NBL1: variants seen among roughly 807,000 people sequenced by gnomAD.
NBL1 encodes the protein neuroblastoma suppressor of tumorigenicity 1.
Under a neutral mutation model 16.0 loss-of-function variants are expected in NBL1, and 9 were observed. The ratio of observed to expected loss-of-function variants is 0.56; its 90% CI spans 0.34 to 0.98. The LOEUF is 0.98. Among genes scored for constraint, NBL1 ranks in the 50% least tolerant of loss-of-function variants. NBL1 has a pLI of 0.02. For synonymous variants in NBL1, 86 were observed against 100.7 expected (o/e 0.85, Z 0.87); for missense variants, 196 against 243.1 (o/e 0.81, Z 1.29).
upstream of NBL1, chr1:19,643,304 C>G (rs372460291): frequency 1.1e-5 from 17 of 1,613,512 alleles, no homozygotes; most frequent in Non-Finnish European, 1.4e-5. The surrounding 1 kb of genome is among the most constrained non-coding windows in gnomAD (Gnocchi z 4.7). Context: ...CACTAGGAGC[C>G]ACCCAGGATG....
At chr1:19,655,655 G>A (rs950560826) in intron 3 of NBL1, among the ~76,000 whole-genome samples, 2 of 152,198 alleles carry the variant, frequency 1.3e-5, no homozygotes, top group Non-Finnish European at 2.9e-5. Context: ...GGATGTTCCC[G>A]AAGTTCCATT....
chr1:19,644,296 C>A, upstream of NBL1: 1 of 979,636 alleles, frequency 1.0e-6, no homozygotes, highest in Non-Finnish European at 1.2e-6. This position sits in a 1 kb window ranked among gnomAD's most constrained non-coding sequence, Gnocchi z 4.6. Context: ...CCGCGCCGCG[C>A]GCCCGCCCGG....
At chr1:19,651,466 C>A (rs2095025134) in intron 1 of NBL1, among the ~76,000 whole-genome samples, 1 of 152,214 alleles carries the variant, frequency 6.6e-6, no homozygotes, top group Non-Finnish European at 1.5e-5. Context: ...ACGCTGATAA[C>A]CAGTTCCTGA....
intron 1 of NBL1, among the ~76,000 whole-genome samples, chr1:19,649,009 C>T (rs1215100729): frequency 6.6e-6 from 1 of 152,142 alleles, no homozygotes; most frequent in Non-Finnish European, 1.5e-5. Context: ...AGGGTGTTAA[C>T]AGGAATGAGA....
At chr1:19,647,430 A>G (rs556218494) in intron 1 of NBL1, among the ~76,000 whole-genome samples, 8 of 152,302 alleles carry the variant, frequency 5.3e-5, no homozygotes, top group African/African-American at 1.9e-4. Flanking sequence ...TGTTACAAAT[A>G]AAAACATAAA....
rs1317717156 is a variant in NBL1, at chr1:19,651,290, G to A, written c.-19-3722G>A. 2.6e-5 allele frequency among the ~76,000 whole-genome samples: 4 copies of A among 152,272 alleles called. No individual in the cohort carries two copies. In the East Asian group the frequency reaches 7.7e-4, roughly 29 times the overall value. On this transcript the variant is annotated intron_variant, in intron 1 of 3. Transcript: ENST00000375136. ...GGCCCGGGGAGGCCGAGGCCCCAGC[G>A]CCCTGCGGAGAGCCTGCTAGGGCCT... is the stretch of plus-strand genomic sequence containing the variant.
intron 1 of NBL1, among the ~76,000 whole-genome samples, chr1:19,654,768 T>C (rs1327674937): frequency 1.3e-5 from 2 of 152,138 alleles, no homozygotes; most frequent in Non-Finnish European, 2.9e-5. Flanking sequence ...GAATGTGTAT[T>C]ATCTGCTAGG....
Position 19,655,024 on chromosome 1 carries a change from C to T in NBL1, c.-7C>T. ...TGCTCCGTTCTAGGGCTCTGGAGGC[C>T]ACGGGCATGATGCTTCGGGTCCTGG... On this transcript the variant is annotated 5_prime_UTR_variant, in exon 2 of 4. Coordinates refer to ENST00000375136, the MANE Select transcript of NBL1 (RefSeq NM_005380.8). The T allele has an allele frequency of 6.2e-7, 1 of 1,602,658 alleles. No individual in the cohort carries two copies. The highest frequency in any genetic ancestry group is 8.5e-7 in the Non-Finnish European group (1 of 1,175,686).
chr1:19,650,898 G>T (rs1293330887), intron 1 of NBL1, among the ~76,000 whole-genome samples: 3 of 152,208 alleles, frequency 2.0e-5, no homozygotes, highest in African/African-American at 7.2e-5. Flanking sequence ...GTGGGCGGAG[G>T]CAGGTGTGTC....
upstream of NBL1, chr1:19,643,567 C>A: frequency 7.1e-7 from 1 of 1,416,520 alleles, no homozygotes; most frequent in Non-Finnish European, 9.2e-7. This position sits in a 1 kb window ranked among gnomAD's most constrained non-coding sequence, Gnocchi z 4.7. Flanking sequence ...AGATAGGAAC[C>A]CCCGAGGTGA....
chr1:19,655,199 A>G lies in NBL1; in HGVS notation c.169A>G (p.Arg57Gly). 1 of 1,601,464 alleles carries G rather than the reference A, an allele frequency of 6.2e-7. No individual in the cohort carries two copies. Among genetic ancestry groups the G allele is most frequent in the Non-Finnish European group, 8.5e-7 (1 of 1,172,862 alleles). The stretch of plus-strand genomic sequence containing the variant: ...CTGTGAGGCCAAGTCCATCCAGAAC[A>G]GGTGGGACCCAAGGGGTGGGTGGGG... The part of the protein sequence containing the change: ...SGCEAKSIQN[R>G]ACLGQCFSYS... The change falls in exon 2 of 4, where the codon AGG becomes GGG. Residue 57 changes from arginine (R) to glycine (G), a missense_variant and splice_region_variant. Transcript: ENST00000375136.
intron 1 of NBL1, among the ~76,000 whole-genome samples, chr1:19,649,520 G>A (rs1262041310): frequency 4.0e-5 from 6 of 151,892 alleles, no homozygotes; most frequent in African/African-American, 4.8e-5. Flanking sequence ...CACCACACCC[G>A]GCTAGTTTTT....
chr1:19,644,815 G>GGCCTCGCCGCGCCGC lies in NBL1; in HGVS notation c.-20+375_-20+389dup, dbSNP rs1553312852. Among the ~76,000 whole-genome samples, 1 of 151,466 alleles carries GGCCTCGCCGCGCCGC rather than the reference G, an allele frequency of 6.6e-6. No individual in the cohort carries two copies. Among genetic ancestry groups the GGCCTCGCCGCGCCGC allele is most frequent in the African/African-American group, 2.4e-5 (1 of 41,284 alleles). ...CTCGCATGTCCCCCGGCCGTGCCCG[G>GGCCTCGCCGCGCCGC]GCCTCGCCGCGCCGCGCCTCTCGGC... On this transcript the variant is annotated intron_variant, in intron 1 of 3. Coordinates refer to ENST00000375136, the MANE Select transcript of NBL1 (RefSeq NM_005380.8). This position sits in a 1 kb window ranked among gnomAD's most constrained non-coding sequence, Gnocchi z 4.6.
chr1:19,656,246 G>A (rs1287692663), intron 3 of NBL1, among the ~76,000 whole-genome samples: 1 of 152,018 alleles, frequency 6.6e-6, no homozygotes, highest in Non-Finnish European at 1.5e-5. Context: ...AAGGTACTTA[G>A]ATGGGTGATG....
chr1:19,647,388 C>T lies in NBL1; in HGVS notation c.-20+2942C>T, dbSNP rs113639275. ...CTGATGTGAGCTATGATTGTGCCAC[C>T]GCGCTCCAGCCTGGGTAACAGAGTG... On this transcript the variant is annotated intron_variant, in intron 1 of 3. Transcript: ENST00000375136. Among the ~76,000 whole-genome samples, 64 of 152,194 alleles carry T rather than the reference C, an allele frequency of 4.2e-4. 1 individual carries two copies. Among genetic ancestry groups the T allele is most frequent in the African/African-American group, 1.3e-3 (52 of 41,522 alleles).
At chr1:19,655,289 C>A in intron 2 of NBL1, 35 bp from the exon 3 acceptor site, 3 of 1,613,218 alleles carry the variant, frequency 1.9e-6, no homozygotes, top group Non-Finnish European at 2.5e-6. Context: ...GCCTCCCCAA[C>A]AGTGACACAG....
chr1:19,645,632 C>G, intron 1 of NBL1: 1 of 1,134,784 alleles, frequency 8.8e-7, no homozygotes, highest in Non-Finnish European at 1.1e-6. Flanking sequence ...CCCTAGACTC[C>G]CCCAGATGCT....
chr1:19,650,426 G>A (rs981137369), intron 1 of NBL1, among the ~76,000 whole-genome samples: 1 of 152,162 alleles, frequency 6.6e-6, no homozygotes, highest in Non-Finnish European at 1.5e-5. Context: ...TGTCTGAGTG[G>A]GCATAGGGTC....
chr1:19,655,380 C>T lies in NBL1; in HGVS notation c.227C>T (p.Thr76Ile). 1.2e-6 allele frequency: 2 copies of T among 1,614,158 alleles called. No individual in the cohort carries two copies. Among genetic ancestry groups the T allele is most frequent in the East Asian group, 4.5e-5 (2 of 44,878 alleles). ...YSVPNTFPQS[T>I]ESLVHCDSCM... ...GTCCCCAACACCTTCCCACAGTCCACAGAGTCCCTGGTTCACTGTGACTCC... is the reference window on the plus strand; with the variant it reads ...GTCCCCAACACCTTCCCACAGTCCATAGAGTCCCTGGTTCACTGTGACTCC... Residue 76 changes from threonine to isoleucine, a missense_variant, in exon 3 of 4, where the codon ACA becomes ATA. Coordinates refer to ENST00000375136, the MANE Select transcript of NBL1 (RefSeq NM_005380.8).
Sources: allele counts gnomAD v4.1 joint callset (sites outside exome capture counted in the v4.1 genomes callset), GRCh38; gene constraint gnomAD v4.1.1; non-coding constraint Gnocchi (gnomAD v3.1); transcripts MANE v1.5; gene names NCBI Gene and HGNC (gene_info 2026-07-23, HGNC 2026-07-21).